The following TLE1 variants were observed in gnomAD, a reference collection of about 807,000 sequenced individuals.
TLE1 encodes TLE family member 1, transcriptional corepressor.
TLE1 carries 21 observed loss-of-function variants against 89.8 expected under a neutral mutation model. The observed-to-expected ratio is 0.23, with a 90% CI of 0.17 to 0.34. The LOEUF (loss-of-function observed/expected upper bound fraction) is 0.34. Among genes scored for constraint, TLE1 ranks in the 10% least tolerant of loss-of-function variants. TLE1 has a pLI of 1.00. For synonymous variants in TLE1, 447 were observed against 407.6 expected (o/e 1.10, Z -1.16); for missense variants, 795 against 1,031.2 (o/e 0.77, Z 3.14).
Position 81,585,628 on chromosome 9 carries a change from C to G in TLE1, c.2005G>C (p.Gly669Arg). ...QIFSLGYCPTGEWLAVGMESS... is the reference protein window; with the variant it reads ...QIFSLGYCPTREWLAVGMESS... ...TCCATGCCCACTGCCAGCCACTCCC[C>G]GGTGGGGCAGTACCCCAGGGAGAAG... The change falls in exon 18 of 20, where the codon GGG (glycine) becomes CGG (arginine). Residue 669 changes from glycine (G) to arginine (R), a missense_variant. Around this residue, in one of 4 missense-constraint regions of TLE1, gnomAD observed 214 missense variants for 354.9 expected, o/e 0.60. Coordinates refer to ENST00000376499, the MANE Select transcript of TLE1 (RefSeq NM_005077.5). The G allele has an allele frequency of 6.2e-7, 1 of 1,614,008 alleles. No homozygotes were observed. The highest frequency in any genetic ancestry group is 8.5e-7 in the Non-Finnish European group (1 of 1,179,998).
In TLE1 at chr9:81,616,069, G is replaced by A. The variant is rs147541111; in HGVS notation, c.831C>T (p.Arg277=). Residue 277 remains arginine (R), a synonymous_variant, in exon 11 of 20, where the codon CGC becomes CGT. Coordinates refer to ENST00000376499, the MANE Select transcript of TLE1 (RefSeq NM_005077.5). ...SPRENGIDKN[R]LLKKDASSSP... is the part of the protein sequence containing the mutation. Reference sequence around the variant, plus strand: ...TGCTAGAAGCATCCTTCTTTAGCAGGCGATTTTTGTCGATTCCATTTTCCC... The same window carrying A: ...TGCTAGAAGCATCCTTCTTTAGCAGACGATTTTTGTCGATTCCATTTTCCC... 404 of 1,614,120 alleles carry A rather than the reference G, an allele frequency of 2.5e-4. 1 individual carries two copies. In the African/African-American group the frequency reaches 4.7e-3, roughly 19 times the overall value.
At chr9:81,651,499 AC>A (rs770808570) in intron 6 of TLE1, among the ~76,000 whole-genome samples, 10 of 152,186 alleles carry the variant, frequency 6.6e-5, no homozygotes, top group Non-Finnish European at 1.2e-4. Context: ...GCCAGGGAGC[AC>A]TAGGGCAGAC....
chr9:81,602,097 A>G (rs754523382), intron 14 of TLE1, among the ~76,000 whole-genome samples: 2 of 152,200 alleles, frequency 1.3e-5, no homozygotes, highest in Non-Finnish European at 2.9e-5. Context: ...TGAAGGAGGT[A>G]GCAACTCAAG....
At chr9:81,684,703 T>C (rs540317249) in intron 4 of TLE1, among the ~76,000 whole-genome samples, 21 of 152,360 alleles carry the variant, frequency 1.4e-4, no homozygotes, top group African/African-American at 4.6e-4. Flanking sequence ...TTGTTGCACT[T>C]TGAAATGTGT....
rs1206464081 is a variant in TLE1, at chr9:81,610,266, C to T, written c.1285G>A (p.Val429Ile). ...VGFDPPPHMR[V>I]PTIPPNLAGI... Reference sequence around the variant, plus strand: ...GCCAGGTTTGGAGGAATGGTAGGTACTCTCATGTGAGGGGGAGGATCAAAC... The same window carrying T: ...GCCAGGTTTGGAGGAATGGTAGGTATTCTCATGTGAGGGGGAGGATCAAAC... The change falls in exon 14 of 20, where the codon GTA becomes ATA. Residue 429 changes from valine to isoleucine, a missense_variant. Physicochemically the swap from Val to Ile is conservative, Grantham distance 29. This residue lies in a region of TLE1 where 468 missense variants were observed against 509.1 expected (regional missense o/e 0.92). Transcript: ENST00000376499. 1 of 1,613,972 alleles carries T rather than the reference C, an allele frequency of 6.2e-7. No homozygotes were observed. Among genetic ancestry groups the T allele is most frequent in the Admixed American group, 1.7e-5 (1 of 60,006 alleles).
At chr9:81,589,092 G>A (rs964684011) in intron 16 of TLE1, among the ~76,000 whole-genome samples, 15 of 152,122 alleles carry the variant, frequency 9.9e-5, no homozygotes, top group South Asian at 6.2e-4. Context: ...CAATGTTTCC[G>A]CTTGCTTCCC....
At chr9:81,685,523 GAAT>G (rs1834151313) in intron 4 of TLE1, among the ~76,000 whole-genome samples, 150 bp downstream of exon 4, 1 of 152,078 alleles carries the variant, frequency 6.6e-6, no homozygotes, top group South Asian at 2.1e-4. Context: ...CCTTGATGCA[GAAT>G]ACTACCATCA....
At position 81,584,503 on chromosome 9, in the gene TLE1, C is replaced by T; in HGVS notation, c.2150G>A (p.Gly717Glu). 1 of 1,614,130 alleles carries T rather than the reference C, an allele frequency of 6.2e-7. No homozygotes were observed. Among genetic ancestry groups the T allele is most frequent in the Non-Finnish European group, 8.5e-7 (1 of 1,180,010 alleles). ...CCAAGCATTGAGGAGGTTATCTTTT[C>T]CAGTACTCACAAACCATTTACCTAG... ...AYCGKWFVST[G>E]KDNLLNAWRT... Residue 717 changes from glycine to glutamate, a missense_variant, in exon 19 of 20, where the codon GGA becomes GAA. Physicochemically the swap from Gly to Glu is moderately conservative, Grantham distance 98 (BLOSUM62 -2). This residue lies in a region of TLE1 where 214 missense variants were observed against 354.9 expected (regional missense o/e 0.60). Transcript: ENST00000376499.
intron 17 of TLE1, among the ~76,000 whole-genome samples, chr9:81,586,263 C>T (rs1227548594): frequency 1.3e-5 from 2 of 152,208 alleles, no homozygotes; most frequent in African/African-American, 2.4e-5. Flanking sequence ...GTGATCCACC[C>T]GCCTCGGCCT....
intron 6 of TLE1, among the ~76,000 whole-genome samples, chr9:81,645,370 A>G (rs1430612279): frequency 2.0e-5 from 3 of 151,596 alleles, no homozygotes; most frequent in Non-Finnish European, 4.4e-5. Context: ...CGTCTCCAAA[A>G]AAAAAAAAAT....
rs3045544 is a variant in TLE1, at chr9:81,652,106, T to TACACACACACACACAC, written c.372+92_372+107dup. On this transcript the variant is annotated intron_variant, in intron 6 of 19. Transcript: ENST00000376499. ...CTTATCAAATAGGTCAACGTTAAGA[T>TACACACACACACACAC]ACACACACACACACACACACACACA... 1,204 of 696,418 alleles carry TACACACACACACACAC rather than the reference T, an allele frequency of 1.7e-3. 15 individuals carry two copies. The highest frequency in any genetic ancestry group is 0.014 in the African/African-American group (702 of 50,268). 43.1% of individuals were successfully genotyped at this position (696,418 alleles called of 1,614,324 possible).
At chr9:81,643,479 G>A (rs1422238338) in intron 6 of TLE1, among the ~76,000 whole-genome samples, 6 of 152,078 alleles carry the variant, frequency 3.9e-5, no homozygotes, top group South Asian at 2.1e-4. Flanking sequence ...CAGGTGATCC[G>A]CCCACCTCAG....
At chr9:81,587,596 A>C in intron 17 of TLE1, 85 bp downstream of exon 17, 1 of 1,455,394 alleles carries the variant, frequency 6.9e-7, no homozygotes. Flanking sequence ...CTACCATCCT[A>C]GGGTAAAGGA....
intron 4 of TLE1, among the ~76,000 whole-genome samples, chr9:81,684,389 TTAA>T (rs76917265): frequency 0.13 from 19,764 of 152,138 alleles, 1,854 homozygotes; most frequent in East Asian, 0.49. Context: ...AATTACATTA[TTAA>T]TAAAAGGCCC....
At chr9:81,655,859 A>C (rs529054778) in intron 4 of TLE1, among the ~76,000 whole-genome samples, 1 of 148,004 alleles carries the variant, frequency 6.8e-6, no homozygotes, top group Non-Finnish European at 1.5e-5. Flanking sequence ...TCTCAAAAAA[A>C]AAAAAAAAAA....
intron 6 of TLE1, among the ~76,000 whole-genome samples, chr9:81,638,900 C>A (rs1331025873): frequency 1.3e-5 from 2 of 151,986 alleles, no homozygotes; most frequent in African/African-American, 4.8e-5. Context: ...GCTGAGATTA[C>A]AAGCGTGCGC....
At chr9:81,687,722 G>A (rs1434592499) in intron 1 of TLE1, among the ~76,000 whole-genome samples, 1 of 152,066 alleles carries the variant, frequency 6.6e-6, no homozygotes, top group Non-Finnish European at 1.5e-5. Context: ...CGGCGGCCAG[G>A]GAAGACCAGG....
chr9:81,652,378 T>C, intron 5 of TLE1, 90 bp from the exon 6 acceptor site: 1 of 1,069,442 alleles, frequency 9.4e-7, no homozygotes, highest in African/African-American at 1.6e-5. Context: ...CTGTGTGCAA[T>C]GCAGGCTGAA....
At chr9:81,661,378 T>C (rs983255705) in intron 4 of TLE1, among the ~76,000 whole-genome samples, 3 of 151,874 alleles carry the variant, frequency 2.0e-5, no homozygotes, top group Non-Finnish European at 4.4e-5. Flanking sequence ...ACACATACAG[T>C]AGTGCATAAT....
Sources: gnomAD v4.1 joint callset for allele counts (sites outside exome capture counted in the v4.1 genomes callset) on GRCh38, gnomAD v4.1.1 for gene constraint, gnomAD v4.1.1 regional missense constraint, MANE v1.5 for transcripts, NCBI Gene and HGNC (gene_info 2026-07-23, HGNC 2026-07-21) for gene names.